The following TBC1D22A variants were observed in gnomAD, a reference collection of about 807,000 sequenced individuals.
TBC1D22A encodes TBC1 domain family member 22A, also known as putative GTPase activator.
TBC1D22A carries 38 observed loss-of-function variants against 60.2 expected under a neutral mutation model. The observed-to-expected ratio is 0.63, with a 90% CI of 0.49 to 0.83. TBC1D22A has a LOEUF of 0.83. Among genes scored for constraint, TBC1D22A ranks in the 40% least tolerant of loss-of-function variants. TBC1D22A has a pLI of 0.00. For synonymous variants in TBC1D22A, 302 were observed against 281.7 expected (o/e 1.07, Z -0.72); for missense variants, 628 against 701.0 (o/e 0.90, Z 1.18).
At chr22:47,068,063 C>T (rs537765039) in intron 11 of TBC1D22A, among the ~76,000 whole-genome samples, 52 of 152,374 alleles carry the variant, frequency 3.4e-4, no homozygotes, top group Admixed American at 8.5e-4. Flanking sequence ...CGAAAGCGCT[C>T]GGCAGGGAGA....
At chr22:47,164,647 C>T (rs190973931) in intron 12 of TBC1D22A, among the ~76,000 whole-genome samples, 13 of 152,294 alleles carry the variant, frequency 8.5e-5, no homozygotes, top group South Asian at 2.1e-4. Flanking sequence ...AATGGAGACA[C>T]GGGAGGAAGG....
At chr22:47,029,884 G>C (rs1157505804) in intron 10 of TBC1D22A, among the ~76,000 whole-genome samples, 2 of 152,218 alleles carry the variant, frequency 1.3e-5, no homozygotes, top group Non-Finnish European at 2.9e-5. Context: ...GAGTGGCCTG[G>C]GCCGGGGCTG....
At chr22:46,876,880 G>A (rs1000955893) in intron 4 of TBC1D22A, among the ~76,000 whole-genome samples, 1 of 152,242 alleles carries the variant, frequency 6.6e-6, no homozygotes, top group Non-Finnish European at 1.5e-5. Flanking sequence ...AAACACCTAT[G>A]AGGATGGTCA....
intron 11 of TBC1D22A, among the ~76,000 whole-genome samples, chr22:47,080,858 C>T (rs1442831653): frequency 6.6e-6 from 1 of 152,098 alleles, no homozygotes; most frequent in South Asian, 2.1e-4. Flanking sequence ...CATGGTGGCT[C>T]ACGCCTGTAA....
At chr22:46,955,988 T>C (rs1173830839) in intron 8 of TBC1D22A, among the ~76,000 whole-genome samples, 1 of 152,222 alleles carries the variant, frequency 6.6e-6, no homozygotes, top group African/African-American at 2.4e-5. Context: ...GGTACATTGA[T>C]TTCTGTGTCG....
chr22:46,802,423 G>C (rs2084937722), intron 4 of TBC1D22A, among the ~76,000 whole-genome samples: 1 of 152,236 alleles, frequency 6.6e-6, no homozygotes, highest in African/African-American at 2.4e-5. Context: ...TATTTGAAGA[G>C]GGGGCATGAG....
At chr22:47,030,489 G>A (rs2062433862) in intron 10 of TBC1D22A, among the ~76,000 whole-genome samples, 1 of 152,214 alleles carries the variant, frequency 6.6e-6, no homozygotes, top group African/African-American at 2.4e-5. Context: ...TGTTTAAAGT[G>A]CTGGGAAAAG....
chr22:46,911,130 A>G (rs1028539626), intron 7 of TBC1D22A, among the ~76,000 whole-genome samples: 5 of 152,224 alleles, frequency 3.3e-5, no homozygotes, highest in Admixed American at 6.5e-5. Flanking sequence ...GCACCTTGGT[A>G]TAATGAAACC....
intron 4 of TBC1D22A, among the ~76,000 whole-genome samples, chr22:46,838,608 A>T (rs2086619815): frequency 6.6e-6 from 1 of 152,226 alleles, no homozygotes; most frequent in Admixed American, 6.5e-5. Flanking sequence ...ACATTACAAG[A>T]AAAGAAAATT....
chr22:47,023,703 A>G (rs2062161909), intron 10 of TBC1D22A, among the ~76,000 whole-genome samples: 1 of 152,268 alleles, frequency 6.6e-6, no homozygotes, highest in Non-Finnish European at 1.5e-5. Flanking sequence ...GGACTATTCA[A>G]AGAACAGCAA....
At chr22:46,871,302 C>A (rs1320767093) in intron 4 of TBC1D22A, among the ~76,000 whole-genome samples, 1 of 152,130 alleles carries the variant, frequency 6.6e-6, no homozygotes, top group East Asian at 1.9e-4. Flanking sequence ...GTAATTGATA[C>A]AACAGGTAAA....
Position 46,792,408 on chromosome 22 carries a change from T to A in TBC1D22A, c.63-112T>A, listed in dbSNP as rs542942240. 45 of 1,454,848 alleles carry A rather than the reference T, an allele frequency of 3.1e-5. 1 individual carries two copies. In the South Asian group the frequency reaches 5.1e-4, roughly 16 times the overall value. The allele number at this position is 1,454,848 out of a possible 1,614,324, so 90.1% of individuals were successfully genotyped here. On this transcript the variant is annotated intron_variant, in intron 1 of 12. Transcript: ENST00000337137. ...GGGCCTGCGACAGCCCATGAGGAGCTGCTTCCTTCAGTCCTGTGGGTTCCT... is the reference window on the plus strand; with the variant it reads ...GGGCCTGCGACAGCCCATGAGGAGCAGCTTCCTTCAGTCCTGTGGGTTCCT...
At chr22:46,832,354 A>G (rs1244442094) in intron 4 of TBC1D22A, among the ~76,000 whole-genome samples, 1 of 152,232 alleles carries the variant, frequency 6.6e-6, no homozygotes, top group Non-Finnish European at 1.5e-5. Flanking sequence ...TTTTCTTTTA[A>G]AATATGTTGG....
rs1390419012 is a variant in TBC1D22A at position 47,172,093 on chromosome 22, C to T, written c.1426-1405C>T. ...TCCCAGTGAGCCTACCCAGCACTCC[C>T]AGTGAGCTGTGTGCTCACCCAGAGT... On this transcript the variant is annotated intron_variant, in intron 12 of 12. Coordinates refer to ENST00000337137, the MANE Select transcript of TBC1D22A (RefSeq NM_014346.5). Among the ~76,000 whole-genome samples the T allele has an allele frequency of 3.0e-5, 4 of 135,070 alleles. No homozygotes were observed. In the East Asian group the frequency reaches 1.1e-3, roughly 38 times the overall value. 88.6% of individuals were successfully genotyped at this position (135,070 alleles called of 152,430 possible). A position where few individuals can be genotyped will look rare whatever the true frequency, so the allele number is the denominator to read the frequency against.
rs540144466 is a variant in TBC1D22A, at chr22:47,100,257, G to T, written c.1330-11251G>T. ...AGGAATGAGGCTGTGGAGTGCAAGG[G>T]TGAGGCCTCAGGGCACAAGAGTGAG... On this transcript the variant is annotated intron_variant, in intron 11 of 12. Transcript: ENST00000337137. 5.9e-4 allele frequency among the ~76,000 whole-genome samples: 89 copies of T among 151,918 alleles called. 1 individual carries two copies. The highest frequency in any genetic ancestry group is 2.1e-3 in the African/African-American group (86 of 41,418).
intron 4 of TBC1D22A, among the ~76,000 whole-genome samples, chr22:46,832,591 A>C (rs1313949449): frequency 6.6e-6 from 1 of 152,228 alleles, no homozygotes; most frequent in African/African-American, 2.4e-5. Flanking sequence ...GGTTGCAGTG[A>C]GCCGAGATCG....
intron 11 of TBC1D22A, among the ~76,000 whole-genome samples, chr22:47,039,979 C>G (rs979650833): frequency 1.6e-5 from 2 of 124,364 alleles, no homozygotes; most frequent in Admixed American, 1.8e-4. Flanking sequence ...GAGTCTCACT[C>G]TGTTGTCCAG....
intron 11 of TBC1D22A, among the ~76,000 whole-genome samples, chr22:47,047,016 A>G (rs2063056671): frequency 6.6e-6 from 1 of 152,244 alleles, no homozygotes; most frequent in African/African-American, 2.4e-5. Context: ...TTTTATCTGC[A>G]GTGTGACCTT....
rs117507470 is a variant in TBC1D22A at position 46,801,945 on chromosome 22, C to T, written c.637+4325C>T. Among the ~76,000 whole-genome samples, 493 of 152,308 alleles carry T rather than the reference C, an allele frequency of 3.2e-3. 1 individual carries two copies. The highest frequency in any genetic ancestry group is 6.8e-3 in the Middle Eastern group (2 of 294). On this transcript the variant is annotated intron_variant, in intron 4 of 12. Coordinates refer to ENST00000337137, the MANE Select transcript of TBC1D22A (RefSeq NM_014346.5). ...TGGCAGCACTAATACGAGTAGATGCCCCCTTGGTGTCCGTGGCTCTAGGGC... is the reference window on the plus strand; with the variant it reads ...TGGCAGCACTAATACGAGTAGATGCTCCCTTGGTGTCCGTGGCTCTAGGGC...
Sources: allele counts gnomAD v4.1 joint callset (sites outside exome capture counted in the v4.1 genomes callset), GRCh38; gene constraint gnomAD v4.1.1; transcripts MANE v1.5; gene names NCBI Gene and HGNC (gene_info 2026-07-23, HGNC 2026-07-21).